IHH: variants seen among roughly 807,000 people sequenced by gnomAD.
IHH encodes the protein Indian hedgehog signaling molecule, also known as indian hedgehog protein.
IHH carries 9 observed loss-of-function variants against 29.4 expected under a neutral mutation model. That is an observed-to-expected ratio of 0.31 (90% CI 0.18 to 0.53). IHH has a LOEUF of 0.53. Ranked by LOEUF, IHH falls within the 20% of genes least tolerant of loss-of-function variation. IHH has a pLI of 0.95. For missense variants in IHH, 454 were observed against 578.1 expected, an observed-to-expected ratio of 0.79 and a Z score of 2.20; for synonymous variants, 254 against 252.7, an observed-to-expected ratio of 1.01 and a Z score of -0.05.
chr2:219,057,816 C>T (rs1371799373), intron 1 of IHH, 122 bp from the exon 2 acceptor site: 27 of 1,358,146 alleles, frequency 2.0e-5, no homozygotes, highest in Non-Finnish European at 2.4e-5. Flanking sequence ...AGCTGGAAGC[C>T]CGGGAGGGTG....
chr2:219,057,732 A>G (rs1948843570), intron 1 of IHH, 38 bp from the exon 2 acceptor site: 4 of 1,599,700 alleles, frequency 2.5e-6, no homozygotes, highest in Non-Finnish European at 3.4e-6. Context: ...CCAGAGCGAA[A>G]TCAGCCGGAG....
chr2:219,058,052 G>T (rs1225303533), intron 1 of IHH, among the ~76,000 whole-genome samples: 2 of 152,208 alleles, frequency 1.3e-5, no homozygotes, highest in Non-Finnish European at 2.9e-5. Context: ...TTCAGCGCCC[G>T]GTCCCTCTGT....
In IHH at chr2:219,060,357, G is replaced by A; in HGVS notation, c.111C>T (p.Arg37=). Residue 37 remains arginine, a synonymous_variant, in exon 1 of 3, where the codon CGC becomes CGT. Transcript: ENST00000295731. This position sits in a 1 kb window ranked among gnomAD's most constrained non-coding sequence, Gnocchi z 8.8. The part of the protein sequence containing the change: ...GCGPGRVVGS[R]RRPPRKLVPL... ...GCACGAGTTTGCGTGGCGGTCGCCG[G>A]CGGCTGCCCACCACCCGACCCGGCC... is the stretch of plus-strand genomic sequence containing the variant. 1 of 1,606,932 alleles carries A rather than the reference G, an allele frequency of 6.2e-7. No homozygotes were observed. Among genetic ancestry groups the A allele is most frequent in the East Asian group, 2.2e-5 (1 of 44,816 alleles).
chr2:219,059,603 C>G lies in IHH; in HGVS notation c.315+550G>C, dbSNP rs912490061. 2.6e-5 allele frequency among the ~76,000 whole-genome samples: 4 copies of G among 152,162 alleles called. No homozygotes were observed. Among genetic ancestry groups the G allele is most frequent in the East Asian group, 1.9e-4 (1 of 5,174 alleles). ...GGTTCCTTTTCCCACCTCCGCCTCC[C>G]GATTCAACTCTTCCTCGCTGTTCTT... On this transcript the variant is annotated intron_variant, in intron 1 of 2. Transcript: ENST00000295731. This position sits in a 1 kb window ranked among gnomAD's most constrained non-coding sequence, Gnocchi z 4.7.
At chr2:219,056,737 A>C (rs1948835975) in intron 2 of IHH, among the ~76,000 whole-genome samples, 1 of 152,074 alleles carries the variant, frequency 6.6e-6, no homozygotes. Flanking sequence ...GCTGGGAGCC[A>C]CACAGGAACC....
Position 219,055,211 on chromosome 2 carries a change from C to A in IHH, c.1232G>T (p.Ser411Ile). The change falls in exon 3 of 3, where the codon AGC becomes ATC. Residue 411 changes from serine to isoleucine, a missense_variant. Transcript: ENST00000295731. The stretch of plus-strand genomic sequence containing the variant: ...GAGGGCAGCGGTGGAGTCCTTTCAG[C>A]TCCCTGCCCCGGACATGCCCAGTGG... ...FHPLGMSGAG[S>I] is the part of the protein sequence containing the mutation. 1 of 1,570,604 alleles carries A rather than the reference C, an allele frequency of 6.4e-7. No homozygotes were observed. Among genetic ancestry groups the A allele is most frequent in the Non-Finnish European group, 8.6e-7 (1 of 1,158,582 alleles).
rs778486193 is a variant in IHH at position 219,060,128 on chromosome 2, C to T, written c.315+25G>A. The T allele has an allele frequency of 2.5e-6, 4 of 1,591,942 alleles. No individual in the cohort carries two copies. The highest frequency in any genetic ancestry group is 2.2e-5 in the South Asian group (2 of 89,754). On this transcript the variant is annotated intron_variant, in intron 1 of 2. Coordinates refer to ENST00000295731, the MANE Select transcript of IHH (RefSeq NM_002181.4). This position sits in a 1 kb window ranked among gnomAD's most constrained non-coding sequence, Gnocchi z 8.8. Reference sequence around the variant, plus strand: ...AGGTGGCCGTGCTTCGGTGGCGGCGCGCTGGTAGGGCGGATCGCGCTCACC... The same window carrying T: ...AGGTGGCCGTGCTTCGGTGGCGGCGTGCTGGTAGGGCGGATCGCGCTCACC...
Position 219,055,673 on chromosome 2 carries a change from A to T in IHH, c.770T>A (p.Phe257Tyr), listed in dbSNP as rs767114404. Reference sequence around the variant, plus strand: ...GGGGTCCTGAGTCTCGATGACCTGGAAGGCTCTCAGCCTGTGAGGCTCGCG... The same window carrying T: ...GGGGTCCTGAGTCTCGATGACCTGGTAGGCTCTCAGCCTGTGAGGCTCGCG... ...LDREPHRLRA[F>Y]QVIETQDPPR... is the part of the protein sequence containing the mutation. Residue 257 changes from phenylalanine (F) to tyrosine (Y), a missense_variant, in exon 3 of 3, where the codon TTC becomes TAC. This residue lies in a region of IHH where 271 missense variants were observed against 315.9 expected (regional missense o/e 0.86). Coordinates refer to ENST00000295731, the MANE Select transcript of IHH (RefSeq NM_002181.4). The T allele has an allele frequency of 3.7e-6, 6 of 1,614,048 alleles. No individual in the cohort carries two copies. The highest frequency in any genetic ancestry group is 4.2e-6 in the Non-Finnish European group (5 of 1,179,970).
At position 219,055,234 on chromosome 2, in the gene IHH, T is replaced by C. The variant is rs1948818738; in HGVS notation, c.1209A>G (p.Pro403=). 3 of 1,594,658 alleles carry C rather than the reference T, an allele frequency of 1.9e-6. No individual in the cohort carries two copies. The highest frequency in any genetic ancestry group is 2.6e-6 in the Non-Finnish European group (3 of 1,171,256). ...RLLLEEGSFH[P]LGMSGAGS ...AGCTCCCTGCCCCGGACATGCCCAG[T>C]GGGTGGAAGCTGCCCTCTTCTAGCA... is the stretch of plus-strand genomic sequence containing the variant. The change falls in exon 3 of 3, where the codon CCA becomes CCG. Residue 403 remains proline (P), a synonymous_variant. Coordinates refer to ENST00000295731, the MANE Select transcript of IHH (RefSeq NM_002181.4).
rs567027483 is a variant in IHH, at chr2:219,058,158, G to A, written c.316-464C>T. ...GGCCTGCGAGGCGTGCAAGGCCCGA[G>A]GTGCCCAGTAGGTGTCACCGCAGCC... On this transcript the variant is annotated intron_variant, in intron 1 of 2. Coordinates refer to ENST00000295731, the MANE Select transcript of IHH (RefSeq NM_002181.4). 1.2e-4 allele frequency among the ~76,000 whole-genome samples: 19 copies of A among 152,322 alleles called. 1 individual carries two copies. Among genetic ancestry groups the A allele is most frequent in the African/African-American group, 4.1e-4 (17 of 41,572 alleles).
rs142158582 is a variant in IHH, at chr2:219,057,551, G to T, written c.459C>A (p.Ile153=). The T allele has an allele frequency of 5.0e-6, 8 of 1,613,954 alleles. No homozygotes were observed. The African/African-American group carries it at 1.1e-4, about 22-fold the overall frequency. Residue 153 remains isoleucine (I), a synonymous_variant, in exon 2 of 3, where the codon ATC becomes ATA. Coordinates refer to ENST00000295731, the MANE Select transcript of IHH (RefSeq NM_002181.4). ...SLHYEGRAVD[I]TTSDRDRNKY... is the part of the protein sequence containing the mutation. ...TATTGCGGTCGCGGTCTGATGTGGT[G>T]ATGTCCACCGCGCGGCCCTCATAAT... is the stretch of plus-strand genomic sequence containing the variant.
chr2:219,055,698 G>C lies in IHH; in HGVS notation c.745C>G (p.Arg249Gly). Residue 249 changes from arginine (R) to glycine (G), a missense_variant, in exon 3 of 3, where the codon CGC becomes GGC. Around this residue, in one of 3 missense-constraint regions of IHH, gnomAD observed 271 missense variants for 315.9 expected, o/e 0.86. Transcript: ENST00000295731. ...TFSDVLIFLD[R>G]EPHRLRAFQV... is the part of the protein sequence containing the mutation. ...AAGGCTCTCAGCCTGTGAGGCTCGC[G>C]GTCCAGGAAAATGAGCACATCGCTG... 6.2e-7 allele frequency: 1 copy of C among 1,613,784 alleles called. No homozygotes were observed. Among genetic ancestry groups the C allele is most frequent in the Non-Finnish European group, 8.5e-7 (1 of 1,179,826 alleles).
Position 219,055,781 on chromosome 2 carries a change from G to A in IHH, c.662C>T (p.Ser221Leu), listed in dbSNP as rs1348928573. The change falls in exon 3 of 3, where the codon TCA becomes TTA. Residue 221 changes from serine (S) to leucine (L), a missense_variant. By Grantham distance (145) the Ser-to-Leu change is moderately radical. This residue lies in a region of IHH where 271 missense variants were observed against 315.9 expected (regional missense o/e 0.86). Coordinates refer to ENST00000295731, the MANE Select transcript of IHH (RefSeq NM_002181.4). ...CACACGGTCTCCCGGCCTCACGGCTGACAAGGCCACACGCGCCCCACTCTC... is the reference window on the plus strand; with the variant it reads ...CACACGGTCTCCCGGCCTCACGGCTAACAAGGCCACACGCGCCCCACTCTC... ...RLESGARVAL[S>L]AVRPGDRVLA... The A allele has an allele frequency of 1.2e-6, 2 of 1,613,422 alleles. No homozygotes were observed. Among genetic ancestry groups the A allele is most frequent in the Non-Finnish European group, 1.7e-6 (2 of 1,179,978 alleles).
rs1420026207 is a variant in IHH at position 219,059,913 on chromosome 2, G to A, written c.315+240C>T. Among the ~76,000 whole-genome samples the A allele has an allele frequency of 6.6e-6, 1 of 152,184 alleles. No individual in the cohort carries two copies. Among genetic ancestry groups the A allele is most frequent in the African/African-American group, 2.4e-5 (1 of 41,450 alleles). ...GCAGAGGAGCCGCCGCCAACCTGCT[G>A]GGCTGTGGGGCTTGGCAGCGGGGAG... is the stretch of plus-strand genomic sequence containing the variant. On this transcript the variant is annotated intron_variant, in intron 1 of 2. Transcript: ENST00000295731. This position sits in a 1 kb window ranked among gnomAD's most constrained non-coding sequence, Gnocchi z 4.7.
chr2:219,059,844 G>A lies in IHH; in HGVS notation c.315+309C>T, dbSNP rs1482311502. Among the ~76,000 whole-genome samples the A allele has an allele frequency of 3.3e-5, 5 of 152,224 alleles. No individual in the cohort carries two copies. In the East Asian group the frequency reaches 9.6e-4, roughly 29 times the overall value. ...AGGCGCAGGAGGCAGCCGGGTAGAGGTACCTCCGGGTGCAGCGTCTGGCTG... is the reference window on the plus strand; with the variant it reads ...AGGCGCAGGAGGCAGCCGGGTAGAGATACCTCCGGGTGCAGCGTCTGGCTG... On this transcript the variant is annotated intron_variant, in intron 1 of 2. Coordinates refer to ENST00000295731, the MANE Select transcript of IHH (RefSeq NM_002181.4). The surrounding 1 kb of genome is among the most constrained non-coding windows in gnomAD (Gnocchi z 4.7).
In IHH at chr2:219,055,273, G is replaced by A; in HGVS notation, c.1170C>T (p.Arg390=). The A allele has an allele frequency of 3.7e-6, 6 of 1,611,056 alleles. No homozygotes were observed. The highest frequency in any genetic ancestry group is 4.2e-6 in the Non-Finnish European group (5 of 1,179,074). ...CCTCTTCTAGCAGGAGACGCCCCAG[G>A]CGGTAGAGCAGCTGGGGGTACCAAT... The part of the protein sequence containing the change: ...GVHWYPQLLY[R]LGRLLLEEGS... The change falls in exon 3 of 3, where the codon CGC becomes CGT. Residue 390 remains arginine, a synonymous_variant. Transcript: ENST00000295731.
intron 1 of IHH, chr2:219,058,702 G>GGGA (rs1948853462): frequency 6.5e-6 from 1 of 154,938 alleles, no homozygotes; most frequent in Non-Finnish European, 1.5e-5. Flanking sequence ...AGAAGCTGGG[G>GGGA]CCAGGGCCTT....
At chr2:219,057,315 C>G in intron 2 of IHH, 118 bp downstream of exon 2, 1 of 1,210,636 alleles carries the variant, frequency 8.3e-7, no homozygotes, top group African/African-American at 1.5e-5. Flanking sequence ...CGCTGATGTC[C>G]TCTTCCCCCG....
Position 219,055,997 on chromosome 2 carries a change from G to T in IHH, c.578-132C>A, listed in dbSNP as rs924975629. ...AGAGAGCCCCCGTCACCATATCCCAGCTCCTGCCCCCCACTTCCTATGCAG... is the reference window on the plus strand; with the variant it reads ...AGAGAGCCCCCGTCACCATATCCCATCTCCTGCCCCCCACTTCCTATGCAG... On this transcript the variant is annotated intron_variant, in intron 2 of 2. Transcript: ENST00000295731. The T allele has an allele frequency of 2.7e-5, 25 of 925,798 alleles. No homozygotes were observed. The African/African-American group carries it at 3.6e-4, about 13-fold the overall frequency. 57.3% of individuals were successfully genotyped at this position (925,798 alleles called of 1,614,324 possible). A position where few individuals can be genotyped will look rare whatever the true frequency, so the allele number is the denominator to read the frequency against.
Sources: allele counts gnomAD v4.1 joint callset (sites outside exome capture counted in the v4.1 genomes callset), GRCh38; gene constraint gnomAD v4.1.1; regional missense constraint gnomAD v4.1.1; non-coding constraint Gnocchi (gnomAD v3.1); transcripts MANE v1.5; gene names NCBI Gene and HGNC (gene_info 2026-07-23, HGNC 2026-07-21).